Variants in RXFP1 observed in about 807,000 individuals in gnomAD.
RXFP1 encodes relaxin family peptide receptor 1.
RXFP1 carries 73 observed loss-of-function variants against 89.8 expected under a neutral mutation model. That is an observed-to-expected ratio of 0.81 (90% CI 0.67 to 0.99). RXFP1 has a LOEUF of 0.99. RXFP1 is among the 50% of genes least tolerant of loss of function. The pLI is 0.00. For missense variants in RXFP1, 793 were observed against 895.5 expected, an observed-to-expected ratio of 0.89 and a Z score of 1.46; for synonymous variants, 277 against 305.5, an observed-to-expected ratio of 0.91 and a Z score of 0.97.
chr4:158,565,318 A>G (rs1753330006), intron 1 of RXFP1, among the ~76,000 whole-genome samples: 1 of 152,218 alleles, frequency 6.6e-6, no homozygotes, highest in South Asian at 2.1e-4. Context: ...TCAGTATTAG[A>G]AATATACAGA....
At chr4:158,633,546 A>G in intron 12 of RXFP1, 70 bp downstream of exon 12, 3 of 995,010 alleles carry the variant, frequency 3.0e-6, no homozygotes, top group Non-Finnish European at 3.0e-6. Context: ...AAATATGCAT[A>G]ACATAAAATT....
intron 4 of RXFP1, among the ~76,000 whole-genome samples, chr4:158,601,262 G>C (rs1184596683): frequency 1.3e-5 from 2 of 152,012 alleles, no homozygotes; most frequent in East Asian, 3.9e-4. Flanking sequence ...ATGATTGTCT[G>C]CAAGAAGGCA....
At chr4:158,578,686 A>G (rs921726892) in intron 2 of RXFP1, among the ~76,000 whole-genome samples, 6 of 152,166 alleles carry the variant, frequency 3.9e-5, no homozygotes, top group African/African-American at 1.4e-4. Context: ...TCATGGTTAC[A>G]CTAACCCAAC....
At chr4:158,638,661 G>A (rs1769709464) in intron 13 of RXFP1, among the ~76,000 whole-genome samples, 2 of 152,006 alleles carry the variant, frequency 1.3e-5, no homozygotes, top group Admixed American at 1.3e-4. Context: ...ATAAAAATAA[G>A]CAAATTAGTT....
chr4:158,572,722 T>C lies in RXFP1; in HGVS notation c.74T>C (p.Val25Ala), dbSNP rs1359085024. 6.2e-7 allele frequency: 1 copy of C among 1,614,182 alleles called. No individual in the cohort carries two copies. Among genetic ancestry groups the C allele is most frequent in the Non-Finnish European group, 8.5e-7 (1 of 1,180,030 alleles). ...GTTTCTCATGGGGGTGGACAGGATG[T>C]CAAGTGCTCCCTTGGCTATTTCCCC... ...KYFSHGGGQD[V>A]KCSLGYFPCG... The change falls in exon 2 of 18, where the codon GTC (valine) becomes GCC (alanine). Residue 25 changes from valine (V) to alanine (A), a missense_variant. By Grantham distance (64) the Val-to-Ala change is moderately conservative (BLOSUM62 0). Coordinates refer to ENST00000307765, the MANE Select transcript of RXFP1 (RefSeq NM_021634.4).
At chr4:158,616,809 G>C (rs1025019424) in intron 8 of RXFP1, among the ~76,000 whole-genome samples, 7 of 151,382 alleles carry the variant, frequency 4.6e-5, no homozygotes, top group Non-Finnish European at 8.8e-5. Context: ...GACCAGCCTG[G>C]CTAACATGGT....
At chr4:158,522,856 T>C (rs1208986775) in intron 1 of RXFP1, among the ~76,000 whole-genome samples, 7 of 152,206 alleles carry the variant, frequency 4.6e-5, no homozygotes, top group African/African-American at 1.7e-4. Flanking sequence ...AACAAGCCTT[T>C]TTATAGTCCT....
At chr4:158,585,843 C>A (rs930654088) in intron 2 of RXFP1, among the ~76,000 whole-genome samples, 3 of 152,166 alleles carry the variant, frequency 2.0e-5, no homozygotes, top group African/African-American at 7.2e-5. Context: ...AGCAAAATGT[C>A]CTTAAGTTGG....
intron 4 of RXFP1, among the ~76,000 whole-genome samples, chr4:158,600,145 T>G (rs1761410506): frequency 6.6e-6 from 1 of 152,262 alleles, no homozygotes; most frequent in Admixed American, 6.5e-5. Flanking sequence ...ATATTTTTGC[T>G]GAGTTTCTTT....
At chr4:158,590,710 C>A (rs143582705) in intron 2 of RXFP1, among the ~76,000 whole-genome samples, 1 of 152,094 alleles carries the variant, frequency 6.6e-6, no homozygotes, top group Non-Finnish European at 1.5e-5. Flanking sequence ...TAAGAAGAAT[C>A]GGAATAGATA....
Position 158,579,742 on chromosome 4 carries a change from G to GTGGA in RXFP1, c.187+6909_187+6912dup, listed in dbSNP as rs1756957475. ...AAGCAAGCCTTAGAATTTAGTCTTA[G>GTGGA]TGGATTTTAGACAGAATTTCCAATG... On this transcript the variant is annotated intron_variant, in intron 2 of 17. Coordinates refer to ENST00000307765, the MANE Select transcript of RXFP1 (RefSeq NM_021634.4). Among the ~76,000 whole-genome samples, 3 of 152,328 alleles carry GTGGA rather than the reference G, an allele frequency of 2.0e-5. No individual in the cohort carries two copies. In the South Asian group the frequency reaches 6.2e-4, roughly 32 times the overall value.
chr4:158,542,427 G>C (rs1460314948), intron 1 of RXFP1, among the ~76,000 whole-genome samples: 3 of 151,988 alleles, frequency 2.0e-5, no homozygotes, highest in African/African-American at 7.3e-5. Flanking sequence ...ACCTACAGTA[G>C]GCCTTTTGCA....
intron 1 of RXFP1, among the ~76,000 whole-genome samples, chr4:158,542,504 A>G (rs1327861221): frequency 1.3e-5 from 2 of 152,194 alleles, no homozygotes; most frequent in Non-Finnish European, 2.9e-5. Flanking sequence ...TGTTATGTTC[A>G]GGGACTGGTC....
intron 5 of RXFP1, among the ~76,000 whole-genome samples, chr4:158,607,593 T>C (rs1762758073): frequency 6.6e-6 from 1 of 152,242 alleles, no homozygotes; most frequent in African/African-American, 2.4e-5. Flanking sequence ...GGCTTTACTA[T>C]GTGTTAACAT....
intron 13 of RXFP1, 28 bp from the exon 14 acceptor site, chr4:158,639,232 T>C: frequency 8.0e-7 from 1 of 1,251,942 alleles, no homozygotes; most frequent in Non-Finnish European, 1.2e-6. Context: ...CATGTTCCTT[T>C]GATTGATTAT....
rs759769435 is a variant in RXFP1, at chr4:158,527,552, C to CAAAAAA, written c.49+5535_49+5540dup. Among the ~76,000 whole-genome samples, 4 of 104,102 alleles carry CAAAAAA rather than the reference C, an allele frequency of 3.8e-5. No individual in the cohort carries two copies. The South Asian group carries it at 1.6e-3, about 41-fold the overall frequency. 68.3% of individuals were successfully genotyped at this position (104,102 alleles called of 152,430 possible). ...GAGTGAGACTCCATCTCCCCCGCTC[C>CAAAAAA]AAAAAAAAAAAAATATATATATATA... On this transcript the variant is annotated intron_variant, in intron 1 of 17. Transcript: ENST00000307765.
intron 5 of RXFP1, among the ~76,000 whole-genome samples, chr4:158,607,374 A>G (rs1416981372): frequency 6.6e-6 from 1 of 152,102 alleles, no homozygotes; most frequent in African/African-American, 2.4e-5. Flanking sequence ...TCCTCCAAAC[A>G]GTCTTTGGAA....
chr4:158,635,129 C>G (rs1768898049), intron 12 of RXFP1, among the ~76,000 whole-genome samples: 1 of 151,754 alleles, frequency 6.6e-6, no homozygotes, highest in South Asian at 2.1e-4. Flanking sequence ...ATACTGACAT[C>G]TTAATATTAA....
At chr4:158,554,958 T>C (rs1490500989) in intron 1 of RXFP1, among the ~76,000 whole-genome samples, 1 of 152,150 alleles carries the variant, frequency 6.6e-6, no homozygotes, top group African/African-American at 2.4e-5. Context: ...ATAAACACAA[T>C]ACTTTAAAAA....
Sources: gnomAD v4.1 joint callset for allele counts (sites outside exome capture counted in the v4.1 genomes callset) on GRCh38, gnomAD v4.1.1 for gene constraint, MANE v1.5 for transcripts, NCBI Gene and HGNC (gene_info 2026-07-23, HGNC 2026-07-21) for gene names.